CAPN1: variants seen among roughly 807,000 people sequenced by gnomAD.
CAPN1 encodes the protein calpain 1.
A neutral mutation model predicts 105.2 loss-of-function variants in CAPN1; 77 were observed. The ratio of observed to expected loss-of-function variants is 0.73; its 90% CI spans 0.61 to 0.88. CAPN1 has a LOEUF of 0.88. Among genes scored for constraint, CAPN1 ranks in the 40% least tolerant of loss-of-function variants. The probability of loss-of-function intolerance (pLI) is 0.00; values close to 1 mark genes in which losing one functional copy is unlikely to be tolerated. For synonymous variants in CAPN1, 355 were observed against 388.8 expected, an observed-to-expected ratio of 0.91 and a Z score of 1.02; for missense variants, 833 against 976.6, an observed-to-expected ratio of 0.85 and a Z score of 1.96.
At position 65,206,566 on chromosome 11, in the gene CAPN1, G is replaced by A. The variant is rs745866452; in HGVS notation, c.1457G>A (p.Arg486His). ...ATCAACCTGCGAGAGGTCAGCACCC[G>A]CTTCCGCCTGCCACCCGGGGAGTAT... ...QFINLREVSTRFRLPPGEYVV... is the reference protein window; with the variant it reads ...QFINLREVSTHFRLPPGEYVV... The change falls in exon 13 of 22, where the codon CGC becomes CAC. Residue 486 changes from arginine to histidine, a missense_variant. Transcript: ENST00000279247. The A allele has an allele frequency of 1.9e-5, 31 of 1,613,348 alleles. No homozygotes were observed. Among genetic ancestry groups the A allele is most frequent in the Non-Finnish European group, 2.5e-5 (29 of 1,179,902 alleles).
intron 12 of CAPN1, 123 bp from the exon 13 acceptor site, chr11:65,206,340 G>T: frequency 1.4e-6 from 1 of 728,328 alleles, no homozygotes; most frequent in South Asian, 1.6e-5. Flanking sequence ...CTGTGAGTGA[G>T]CCATGCCCCA....
intron 10 of CAPN1, among the ~76,000 whole-genome samples, chr11:65,191,754 T>C (rs553378583): frequency 1.3e-5 from 2 of 152,332 alleles, no homozygotes; most frequent in South Asian, 2.1e-4. Flanking sequence ...CTTACAACTT[T>C]TGTTACTTTT....
Position 65,211,396 on chromosome 11 carries a change from C to T in CAPN1, c.*110C>T, listed in dbSNP as rs903337652. ...CCAGCTGCAAGTGCCTTCCTTGGAGCAGAGAGGCAGCCTCGTCCTCCTGTC... is the reference window on the plus strand; with the variant it reads ...CCAGCTGCAAGTGCCTTCCTTGGAGTAGAGAGGCAGCCTCGTCCTCCTGTC... On this transcript the variant is annotated 3_prime_UTR_variant, in exon 22 of 22. Coordinates refer to ENST00000279247, the MANE Select transcript of CAPN1 (RefSeq NM_005186.4). The T allele has an allele frequency of 2.0e-6, 2 of 1,020,922 alleles. No homozygotes were observed. Among genetic ancestry groups the T allele is most frequent in the Admixed American group, 3.9e-5 (2 of 51,366 alleles). 63.2% of individuals were successfully genotyped at this position (1,020,922 alleles called of 1,614,324 possible). A position where few individuals can be genotyped will look rare whatever the true frequency, so the allele number is the denominator to read the frequency against.
chr11:65,199,830 T>G (rs1948841964), intron 10 of CAPN1, among the ~76,000 whole-genome samples: 1 of 152,252 alleles, frequency 6.6e-6, no homozygotes, highest in Non-Finnish European at 1.5e-5. Context: ...TTAAACATAG[T>G]AAGCATAGTC....
At chr11:65,187,091 G>T (rs748359829) in intron 6 of CAPN1, 124 bp from the exon 7 acceptor site, 15 of 692,296 alleles carry the variant, frequency 2.2e-5, no homozygotes, top group African/African-American at 3.5e-5. Flanking sequence ...CGGGGTCCCT[G>T]CTTGCTTCTC....
chr11:65,183,208 AGGGCGTCGGGTCCC>A lies in CAPN1; in HGVS notation c.337+15_337+28del. The A allele has an allele frequency of 6.2e-7, 1 of 1,613,354 alleles. No homozygotes were observed. ...GCCAGGGAGCACTGGGTAGGCCCCC[AGGGCGTCGGGTCCC>A]GGGTATTTTTTCCACAGTAGTTCCC... is the stretch of plus-strand genomic sequence containing the variant. On this transcript the variant is annotated intron_variant, in intron 3 of 21. Transcript: ENST00000279247.
At chr11:65,207,823 A>C (rs1197995397) in intron 14 of CAPN1, among the ~76,000 whole-genome samples, 2 of 152,090 alleles carry the variant, frequency 1.3e-5, no homozygotes, top group Non-Finnish European at 2.9e-5. Flanking sequence ...TGAGGCAGGG[A>C]GAATGGCTTG....
chr11:65,183,017 G>A (rs1249810113), intron 2 of CAPN1, 49 bp downstream of exon 2: 2 of 1,610,968 alleles, frequency 1.2e-6, no homozygotes, highest in Non-Finnish European at 1.7e-6. Context: ...GATCCTGGAT[G>A]AGGAGTAGGG....
intron 10 of CAPN1, among the ~76,000 whole-genome samples, chr11:65,191,861 C>T (rs911730149): frequency 6.6e-6 from 1 of 152,026 alleles, no homozygotes; most frequent in African/African-American, 2.4e-5. Flanking sequence ...TTAACTAAGC[C>T]TCACTCTTAA....
Position 65,210,418 on chromosome 11 carries a change from C to A in CAPN1, c.2025C>A (p.Phe675Leu). The change falls in exon 20 of 22, where the codon TTC becomes TTA. Residue 675 changes from phenylalanine (F) to leucine (L), a missense_variant. Phe to Leu is a conservative substitution (Grantham distance 22). Coordinates refer to ENST00000279247, the MANE Select transcript of CAPN1 (RefSeq NM_005186.4). This position sits in a 1 kb window ranked among gnomAD's most constrained non-coding sequence, Gnocchi z 4.3. Reference sequence around the variant, plus strand: ...ACCTGGCGGTCGACTTTGACAATTTCGTTTGCTGCCTGGTGCGGCTAGAGA... The same window carrying A: ...ACCTGGCGGTCGACTTTGACAATTTAGTTTGCTGCCTGGTGCGGCTAGAGA... Reference protein sequence around the residue: ...EPDLAVDFDNFVCCLVRLETM... With the variant: ...EPDLAVDFDNLVCCLVRLETM... The A allele has an allele frequency of 1.2e-6, 2 of 1,612,732 alleles. No homozygotes were observed. The highest frequency in any genetic ancestry group is 1.7e-6 in the Non-Finnish European group (2 of 1,179,274).
chr11:65,199,745 G>T (rs922032109), intron 10 of CAPN1, among the ~76,000 whole-genome samples: 7 of 152,056 alleles, frequency 4.6e-5, no homozygotes, highest in Admixed American at 6.5e-5. Context: ...TAAAAATTTT[G>T]TTTCTAGAAG....
chr11:65,188,613 G>A lies in CAPN1; in HGVS notation c.1032G>A (p.Glu344=), dbSNP rs771380745. Residue 344 remains glutamate, a synonymous_variant, in exon 10 of 22, where the codon GAG becomes GAA. Transcript: ENST00000279247. This position sits in a 1 kb window ranked among gnomAD's most constrained non-coding sequence, Gnocchi z 5.5. The part of the protein sequence containing the change: ...FWMSFRDFMR[E]FTRLEICNLT... ...TGTCATTCCGAGACTTCATGCGGGA[G>A]TTCACCCGCCTGGAGATCTGCAACC... The A allele has an allele frequency of 6.2e-7, 1 of 1,613,984 alleles. No individual in the cohort carries two copies. Among genetic ancestry groups the A allele is most frequent in the South Asian group, 1.1e-5 (1 of 91,076 alleles).
Position 65,183,203 on chromosome 11 carries a change from C to T in CAPN1, c.337+6C>T, listed in dbSNP as rs1052248788. 11 of 1,613,206 alleles carry T rather than the reference C, an allele frequency of 6.8e-6. No individual in the cohort carries two copies. The highest frequency in any genetic ancestry group is 1.3e-5 in the African/African-American group (1 of 74,904). On this transcript the variant is annotated splice_donor_region_variant and intron_variant, in intron 3 of 21. Transcript: ENST00000279247. The stretch of plus-strand genomic sequence containing the variant: ...CATCTGCCAGGGAGCACTGGGTAGG[C>T]CCCCAGGGCGTCGGGTCCCGGGTAT...
chr11:65,204,466 C>A (rs553036678), intron 10 of CAPN1, among the ~76,000 whole-genome samples: 34 of 152,338 alleles, frequency 2.2e-4, no homozygotes, highest in Non-Finnish European at 3.2e-4. Flanking sequence ...GCTAACCTAA[C>A]GGACTTGCTC....
chr11:65,190,990 C>G (rs1948712518), intron 10 of CAPN1, among the ~76,000 whole-genome samples: 1 of 152,122 alleles, frequency 6.6e-6, no homozygotes, highest in East Asian at 1.9e-4. Context: ...CAGGCGTGAG[C>G]CACTGCATCT....
At chr11:65,202,977 C>T (rs901365902) in intron 10 of CAPN1, among the ~76,000 whole-genome samples, 1 of 152,132 alleles carries the variant, frequency 6.6e-6, no homozygotes, top group East Asian at 1.9e-4. Context: ...TGAACAGGAT[C>T]ATATAATACA....
chr11:65,194,858 T>C (rs913530561), intron 10 of CAPN1, among the ~76,000 whole-genome samples: 2 of 152,198 alleles, frequency 1.3e-5, no homozygotes, highest in Admixed American at 1.3e-4. Flanking sequence ...TTTCAACATA[T>C]GTTTTCAGTT....
rs17881123 is a variant in CAPN1 at position 65,189,331 on chromosome 11, T to G, written c.1165+585T>G. Among the ~76,000 whole-genome samples, 216 of 152,330 alleles carry G rather than the reference T, an allele frequency of 1.4e-3. 2 individuals are homozygous for G. In the South Asian group the frequency reaches 0.026, roughly 19 times the overall value. On this transcript the variant is annotated intron_variant, in intron 10 of 21. Coordinates refer to ENST00000279247, the MANE Select transcript of CAPN1 (RefSeq NM_005186.4). Reference sequence around the variant, plus strand: ...CCACTGTGCCAGGTCCCTTCTTGCCTTCTCTTGCCACCTTTCCCTGGGCTT... The same window carrying G: ...CCACTGTGCCAGGTCCCTTCTTGCCGTCTCTTGCCACCTTTCCCTGGGCTT...
intron 10 of CAPN1, among the ~76,000 whole-genome samples, chr11:65,197,470 T>G (rs199879130): frequency 2.1e-3 from 304 of 147,666 alleles, no homozygotes; most frequent in Admixed American, 3.9e-3. Flanking sequence ...TAATTCAGGG[T>G]TTTTTTTTGT....
Sources: allele counts gnomAD v4.1 joint callset (sites outside exome capture counted in the v4.1 genomes callset), GRCh38; gene constraint gnomAD v4.1.1; non-coding constraint Gnocchi (gnomAD v3.1); transcripts MANE v1.5; gene names NCBI Gene and HGNC (gene_info 2026-07-23, HGNC 2026-07-21).